Variants in PRKAR1A observed in about 807,000 individuals in gnomAD.
PRKAR1A encodes protein kinase cAMP-dependent type I regulatory subunit alpha.
Under a neutral mutation model 52.0 loss-of-function variants are expected in PRKAR1A, and 3 were observed. That is an observed-to-expected ratio of 0.06 (90% CI 0.03 to 0.15). PRKAR1A has a LOEUF of 0.15. Ranked by LOEUF, PRKAR1A falls within the 10% of genes least tolerant of loss-of-function variation. The pLI is 1.00. For missense variants in PRKAR1A, 240 were observed against 477.4 expected (o/e 0.50, Z 4.63); for synonymous variants, 188 against 168.4 (o/e 1.12, Z -0.90).
chr17:68,469,383 A>G, the PRKAR1A span, among the ~76,000 whole-genome samples: 44 of 152,074 alleles, frequency 2.9e-4, no homozygotes, highest in Non-Finnish European at 5.4e-4. Flanking sequence ...CTCCCAAAAC[A>G]GTTATCAAAA....
the PRKAR1A span, among the ~76,000 whole-genome samples, chr17:68,462,384 C>T: frequency 7.6e-3 from 1,162 of 152,268 alleles, 19 homozygotes; most frequent in African/African-American, 0.027. Flanking sequence ...TTTTTGTTCA[C>T]CGAGGCATCT....
chr17:68,469,954 T>C, the PRKAR1A span, among the ~76,000 whole-genome samples: 2 of 152,200 alleles, frequency 1.3e-5, no homozygotes, highest in African/African-American at 4.8e-5. Context: ...TCTGGTATAA[T>C]AGAAGACAGC....
chr17:68,525,885 C>T lies in PRKAR1A; in HGVS notation c.681C>T (p.Asp227=), dbSNP rs1208545689. ...CAAATGTGAAATTGTGGGGCATCGA[C>T]CGAGACAGCTATAGAAGAATCCTCA... ...AKTNVKLWGI[D]RDSYRRILMG... Residue 227 remains aspartate (D), a synonymous_variant, in exon 7 of 11, where the codon GAC becomes GAT. Transcript: ENST00000589228. The T allele has an allele frequency of 6.2e-7, 1 of 1,613,470 alleles. No individual in the cohort carries two copies. The highest frequency in any genetic ancestry group is 1.3e-5 in the African/African-American group (1 of 74,780).
the PRKAR1A span, among the ~76,000 whole-genome samples, chr17:68,486,498 CTTCCTTCCTTCTTTCTTTCTTTCTTTCT>C: frequency 4.6e-3 from 185 of 40,228 alleles, no homozygotes; most frequent in South Asian, 0.012. Flanking sequence ...TCCTTCCTTC[CTTCCTTCCTTCTTTCTTTCTTTCTTTCT>C]TTCTTTCTTT....
chr17:68,441,142 C>G, the PRKAR1A span: 6 of 152,206 alleles, frequency 3.9e-5, no homozygotes, highest in African/African-American at 1.4e-4. Flanking sequence ...GCAGGACTTT[C>G]ATGGAGATTT....
chr17:68,517,073 A>G (rs1452542060), intron 2 of PRKAR1A, among the ~76,000 whole-genome samples: 5 of 152,236 alleles, frequency 3.3e-5, no homozygotes, highest in Non-Finnish European at 7.3e-5. Context: ...AAAGACTAAC[A>G]AAGGTGGAAA....
chr17:68,537,477 T>C (rs755526466), downstream of PRKAR1A: 1 of 1,614,068 alleles, frequency 6.2e-7, no homozygotes, highest in Non-Finnish European at 8.5e-7. The surrounding 1 kb of genome is among the most constrained non-coding windows in gnomAD (Gnocchi z 4.2). Flanking sequence ...CTGCCAGCCC[T>C]TAGCTTGTCA....
chr17:68,527,989 T>A, intron 8 of PRKAR1A, 89 bp downstream of exon 8: 1 of 1,125,652 alleles, frequency 8.9e-7, no homozygotes. Context: ...TCTGAAAGTA[T>A]AATTGCTACT....
rs1483410726 is a variant in PRKAR1A at position 68,527,853 on chromosome 17, G to C, written c.722G>C (p.Arg241Thr). 1 of 1,612,128 alleles carries C rather than the reference G, an allele frequency of 6.2e-7. No homozygotes were observed. The stretch of plus-strand genomic sequence containing the variant: ...TTTTATTTTTAGGGAAGCACACTGA[G>C]AAAGCGGAAGATGTATGAGGAATTC... ...YRRILMGSTL[R>T]KRKMYEEFLS... Residue 241 changes from arginine (R) to threonine (T), a missense_variant, in exon 8 of 11, where the codon AGA becomes ACA. Transcript: ENST00000589228.
chr17:68,427,351 T>C, the PRKAR1A span: 1 of 896,994 alleles, frequency 1.1e-6, no homozygotes, highest in Non-Finnish European at 1.8e-6. Context: ...TGTGCTCAGC[T>C]CTGTGGGTTA....
intron 11 of PRKAR1A, among the ~76,000 whole-genome samples, chr17:68,544,807 C>T (rs555559157): frequency 6.6e-6 from 1 of 152,308 alleles, no homozygotes; most frequent in African/African-American, 2.4e-5. Flanking sequence ...ATTTTAATTC[C>T]TGAGTCCCAT....
At chr17:68,426,251 G>GGGGGGGA in the PRKAR1A span, 4 of 825,460 alleles carry the variant, frequency 4.8e-6, 1 homozygote, top group Admixed American at 4.7e-5. Flanking sequence ...GTGGGGAGCG[G>GGGGGGGA]GGGCTCAAAT....
the PRKAR1A span, among the ~76,000 whole-genome samples, chr17:68,416,792 G>T: frequency 6.6e-6 from 1 of 151,618 alleles, no homozygotes; most frequent in Admixed American, 6.6e-5. Flanking sequence ...TGCATTACTA[G>T]AAGTATGTCC....
chr17:68,534,652 T>G (rs764873782), downstream of PRKAR1A, among the ~76,000 whole-genome samples: 4 of 151,546 alleles, frequency 2.6e-5, no homozygotes, highest in Non-Finnish European at 4.4e-5. Flanking sequence ...AAGTGCTGAC[T>G]AGTGTTCCTA....
At position 68,551,082 on chromosome 17, in the gene PRKAR1A, A is replaced by G; in HGVS notation, c.974-2A>G. Reference sequence around the variant, plus strand: ...CTCTTGGGGCGATTTTCTTTTCTGCAGGTCACCTCATCATCTCAAGGAGGA... The same window carrying G: ...CTCTTGGGGCGATTTTCTTTTCTGCGGGTCACCTCATCATCTCAAGGAGGA... On this transcript the variant is annotated splice_acceptor_variant, in intron 11 of 11. Coordinates refer to the PRKAR1A transcript ENST00000585981. LOFTEE classifies it high-confidence loss of function. 8.1e-7 allele frequency: 1 copy of G among 1,234,356 alleles called. No individual in the cohort carries two copies. The highest frequency in any genetic ancestry group is 1.0e-6 in the Non-Finnish European group (1 of 988,142). 76.5% of individuals were successfully genotyped at this position (1,234,356 alleles called of 1,614,324 possible). A position where few individuals can be genotyped will look rare whatever the true frequency, so the allele number is the denominator to read the frequency against.
chr17:68,541,790 G>T (rs930901202), intron 11 of PRKAR1A: 32 of 617,782 alleles, frequency 5.2e-5, no homozygotes, highest in Non-Finnish European at 7.2e-5. Context: ...TATATGGAAG[G>T]TTCTTTAGAA....
downstream of PRKAR1A, among the ~76,000 whole-genome samples, chr17:68,534,498 A>G (rs1390284570): frequency 4.6e-5 from 7 of 152,034 alleles, no homozygotes. Flanking sequence ...CTGAGGTGGA[A>G]CAAAGGGATG....
At chr17:68,542,778 C>A (rs372691559) in intron 11 of PRKAR1A, 1 of 1,614,074 alleles carries the variant, frequency 6.2e-7, no homozygotes, top group South Asian at 1.1e-5. Flanking sequence ...ATCCTCCCCA[C>A]TGTTGGCGGC....
At chr17:68,551,272 G>A in exon 12 of PRKAR1A, 6 of 502,654 alleles carry the variant, frequency 1.2e-5, no homozygotes. Flanking sequence ...TTCAAGGCAT[G>A]TAGTTGCTGT....
Sources: gnomAD v4.1 joint callset for allele counts (sites outside exome capture counted in the v4.1 genomes callset) on GRCh38, gnomAD v4.1.1 for gene constraint, Gnocchi (gnomAD v3.1) non-coding constraint, MANE v1.5 for transcripts, NCBI Gene and HGNC (gene_info 2026-07-23, HGNC 2026-07-21) for gene names.